The following THSD4 variants were observed in gnomAD, a reference collection of about 807,000 sequenced individuals.
The protein encoded by THSD4 is thrombospondin type-1 domain-containing protein 4.
Under a neutral mutation model 119.0 loss-of-function variants are expected in THSD4, and 69 were observed. The ratio of observed to expected loss-of-function variants is 0.58; its 90% CI spans 0.48 to 0.71. THSD4 has a LOEUF of 0.71. THSD4 is among the 30% of genes least tolerant of loss of function. The probability of loss-of-function intolerance (pLI) is 0.00; values close to 1 mark genes in which losing one functional copy is unlikely to be tolerated. For missense variants in THSD4, 1,393 were observed against 1,391.1 expected (o/e 1.00, Z -0.02); for synonymous variants, 524 against 540.4 (o/e 0.97, Z 0.42).
chr15:71,442,926 G>A (rs1314972024), intron 7 of THSD4, among the ~76,000 whole-genome samples: 2 of 151,384 alleles, frequency 1.3e-5, no homozygotes, highest in Non-Finnish European at 2.9e-5. Flanking sequence ...CCTTGTGCTT[G>A]ACACCTTCTT....
Position 71,777,314 on chromosome 15 carries a change from C to T in THSD4, c.2997C>T (p.Ala999=), listed in dbSNP as rs1243426804. 6.2e-7 allele frequency: 1 copy of T among 1,614,128 alleles called. No individual in the cohort carries two copies. The highest frequency in any genetic ancestry group is 1.3e-5 in the African/African-American group (1 of 74,950). The change falls in exon 18 of 18, where the codon GCC becomes GCT. Residue 999 remains alanine, a synonymous_variant. Transcript: ENST00000261862. ...GTGTCTACAACTACTACAAGACCGC[C>T]TGCTGTGCCTCCTGCACCCGTGTGG... ...RLCVYNYYKT[A]CCASCTRVAN...
chr15:71,443,768 A>AT (rs1181768327), intron 7 of THSD4, among the ~76,000 whole-genome samples: 1 of 152,256 alleles, frequency 6.6e-6, no homozygotes, highest in East Asian at 1.9e-4. Context: ...TACAACATAC[A>AT]TTGCTTCAGC....
intron 6 of THSD4, among the ~76,000 whole-genome samples, chr15:71,354,012 G>A (rs1018874603): frequency 6.6e-5 from 10 of 152,212 alleles, no homozygotes; most frequent in Admixed American, 5.2e-4. Context: ...TGGAAAAGGA[G>A]CCACCTGGGT....
intron 6 of THSD4, among the ~76,000 whole-genome samples, chr15:71,261,734 G>A (rs561947345): frequency 1.3e-5 from 2 of 152,300 alleles, no homozygotes; most frequent in South Asian, 2.1e-4. Context: ...TTCTTTACTG[G>A]AAGCCACTGA....
Position 71,775,694 on chromosome 15 carries a change from C to T in THSD4, c.2915-1538C>T, listed in dbSNP as rs528992494. 2.0e-4 allele frequency among the ~76,000 whole-genome samples: 30 copies of T among 152,142 alleles called. No individual in the cohort carries two copies. In the East Asian group the frequency reaches 5.6e-3, roughly 28 times the overall value. On this transcript the variant is annotated intron_variant, in intron 17 of 17. Transcript: ENST00000261862. Reference sequence around the variant, plus strand: ...CCACTGTATTCCAGCCTGGGTGATACAGCGAGACTCCGTCTCAAAAAAAAT... The same window carrying T: ...CCACTGTATTCCAGCCTGGGTGATATAGCGAGACTCCGTCTCAAAAAAAAT...
intron 7 of THSD4, among the ~76,000 whole-genome samples, chr15:71,450,882 A>ATAG (rs1453384164): frequency 1.3e-5 from 2 of 152,094 alleles, no homozygotes; most frequent in Admixed American, 1.3e-4. Flanking sequence ...ACAGAAAGGA[A>ATAG]TAGTGGGGCT....
intron 3 of THSD4, among the ~76,000 whole-genome samples, chr15:71,172,696 T>TATATATATATATATATATATATGTGAC (rs2043385717): frequency 1.1e-5 from 1 of 91,962 alleles, no homozygotes; most frequent in Non-Finnish European, 2.1e-5. Flanking sequence ...TATATATATA[T>TATATATATATATATATATATATGTGAC]ATATATATAT....
rs541339164 is a variant in THSD4, at chr15:71,526,891, T to C, written c.1152+115068T>C. ...GAGTGTGGCACAGAATGAGGCACAA[T>C]TTATGGTGCCATAGCTAAGAGGCAC... On this transcript the variant is annotated intron_variant, in intron 7 of 17. Transcript: ENST00000261862. Among the ~76,000 whole-genome samples the C allele has an allele frequency of 3.3e-5, 5 of 152,264 alleles. No individual in the cohort carries two copies. The East Asian group carries it at 9.7e-4, about 29-fold the overall frequency.
chr15:71,729,640 AGTTG>A (rs2052933502), intron 9 of THSD4: 1 of 152,042 alleles, frequency 6.6e-6, no homozygotes, highest in South Asian at 2.1e-4. Flanking sequence ...TAGACTGTCC[AGTTG>A]GTTGGTTGAA....
At chr15:71,569,865 G>A (rs1480036374) in intron 7 of THSD4, among the ~76,000 whole-genome samples, 2 of 152,136 alleles carry the variant, frequency 1.3e-5, no homozygotes, top group Non-Finnish European at 2.9e-5. Context: ...GTGGTGGTGT[G>A]TGCCTGTAAT....
intron 7 of THSD4, among the ~76,000 whole-genome samples, chr15:71,444,824 C>T (rs1274277834): frequency 6.6e-6 from 1 of 152,218 alleles, no homozygotes. Flanking sequence ...AGTCTTCCTT[C>T]CTTTTCTTAT....
chr15:71,567,831 C>A (rs1354652740), intron 7 of THSD4, among the ~76,000 whole-genome samples: 1 of 151,872 alleles, frequency 6.6e-6, no homozygotes, highest in African/African-American at 2.4e-5. Context: ...CTGTCTTCCC[C>A]ATGAATCCCA....
chr15:71,771,071 A>G lies in THSD4; in HGVS notation c.2777A>G (p.Lys926Arg). The G allele has an allele frequency of 6.2e-7, 1 of 1,614,066 alleles. No individual in the cohort carries two copies. The highest frequency in any genetic ancestry group is 8.5e-7 in the Non-Finnish European group (1 of 1,179,976). ...CCCTTTGTTCCCATGCAGTGTTCCA[A>G]GAGCTGCCAGGGTGGCTTTCGGGTC... ...WFSTEWSMCS[K>R]SCQGGFRVRE... The change falls in exon 17 of 18, where the codon AAG becomes AGG. Residue 926 changes from lysine (K) to arginine (R), a missense_variant. Physicochemically the swap from Lys to Arg is conservative, Grantham distance 26 (BLOSUM62 2). Transcript: ENST00000261862.
intron 3 of THSD4, among the ~76,000 whole-genome samples, chr15:71,196,319 A>G (rs2043719056): frequency 6.6e-6 from 1 of 152,200 alleles, no homozygotes. Flanking sequence ...AGAGTCCCAG[A>G]GCTTATAAAT....
In THSD4 at chr15:71,777,311, C is replaced by A. The variant is rs200400407; in HGVS notation, c.2994C>A (p.Thr998=). 30 of 1,614,228 alleles carry A rather than the reference C, an allele frequency of 1.9e-5. No homozygotes were observed. The East Asian group carries it at 6.5e-4, about 35-fold the overall frequency. The change falls in exon 18 of 18, where the codon ACC becomes ACA. Residue 998 remains threonine, a synonymous_variant. Coordinates refer to ENST00000261862, the MANE Select transcript of THSD4 (RefSeq NM_024817.3). Reference sequence around the variant, plus strand: ...TCTGTGTCTACAACTACTACAAGACCGCCTGCTGTGCCTCCTGCACCCGTG... The same window carrying A: ...TCTGTGTCTACAACTACTACAAGACAGCCTGCTGTGCCTCCTGCACCCGTG... ...ARLCVYNYYK[T]ACCASCTRVA...
At chr15:71,719,913 C>T (rs1282047033) in intron 8 of THSD4, among the ~76,000 whole-genome samples, 4 of 151,894 alleles carry the variant, frequency 2.6e-5, no homozygotes, top group Non-Finnish European at 5.9e-5. Flanking sequence ...TGCTCGCAAA[C>T]GATCTGCCTG....
intron 6 of THSD4, among the ~76,000 whole-genome samples, chr15:71,358,981 A>G (rs1230506590): frequency 6.6e-6 from 1 of 152,220 alleles, no homozygotes; most frequent in East Asian, 1.9e-4. Flanking sequence ...CCTGTCAGCT[A>G]TTTAGGTAGA....
intron 6 of THSD4, among the ~76,000 whole-genome samples, chr15:71,276,742 T>C (rs2044594787): frequency 6.6e-6 from 1 of 152,252 alleles, no homozygotes; most frequent in South Asian, 2.1e-4. Flanking sequence ...GTATGCATTC[T>C]TTAATGGCAG....
chr15:71,164,952 C>T lies in THSD4; in HGVS notation c.99+10020C>T, dbSNP rs549433829. The T allele has an allele frequency of 1.0e-4, 167 of 1,593,126 alleles. 1 individual carries two copies. The Admixed American group carries it at 2.2e-3, about 21-fold the overall frequency. On this transcript the variant is annotated intron_variant, in intron 3 of 17. Coordinates refer to ENST00000261862, the MANE Select transcript of THSD4 (RefSeq NM_024817.3). ...GCTCGATATGCAGCAATATCCTTTTCGTATTTTTCCTTCAGCTTCGCAGCC... is the reference window on the plus strand; with the variant it reads ...GCTCGATATGCAGCAATATCCTTTTTGTATTTTTCCTTCAGCTTCGCAGCC...
Sources: gnomAD v4.1 joint callset for allele counts (sites outside exome capture counted in the v4.1 genomes callset) on GRCh38, gnomAD v4.1.1 for gene constraint, MANE v1.5 for transcripts, NCBI Gene and HGNC (gene_info 2026-07-23, HGNC 2026-07-21) for gene names.